The following EDRF1 variants were observed in gnomAD, a reference collection of about 807,000 sequenced individuals.
EDRF1 encodes the protein erythroid differentiation-related factor 1.
EDRF1 carries 69 observed loss-of-function variants against 148.7 expected under a neutral mutation model. The ratio of observed to expected loss-of-function variants is 0.46; its 90% CI spans 0.38 to 0.57. The LOEUF is 0.57. Ranked by LOEUF, EDRF1 falls within the 20% of genes least tolerant of loss-of-function variation. EDRF1 has a pLI of 0.00. For missense variants in EDRF1, 1,118 were observed against 1,478.7 expected (o/e 0.76, Z 4.00); for synonymous variants, 515 against 532.8 (o/e 0.97, Z 0.46).
chr10:125,745,599 C>A (rs1554874300), intron 18 of EDRF1, 108 bp from the exon 19 acceptor site: 1 of 1,171,622 alleles, frequency 8.5e-7, no homozygotes, highest in Non-Finnish European at 1.2e-6. Flanking sequence ...GACTGGCTCG[C>A]CACCACACTC....
intron 6 of EDRF1, among the ~76,000 whole-genome samples, chr10:125,727,132 T>C (rs571155409): frequency 6.6e-6 from 1 of 152,146 alleles, no homozygotes; most frequent in Non-Finnish European, 1.5e-5. Context: ...GGCGAAACTC[T>C]CAGGCTAGGG....
intron 21 of EDRF1, chr10:125,748,711 CT>C (rs1259958399): frequency 6.5e-5 from 10 of 153,520 alleles, no homozygotes; most frequent in South Asian, 2.0e-4. Flanking sequence ...AGTTCTTTTT[CT>C]TTTTTTTTGA....
intron 18 of EDRF1, among the ~76,000 whole-genome samples, chr10:125,744,269 A>G (rs1211709764): frequency 4.0e-5 from 6 of 151,098 alleles, no homozygotes; most frequent in Non-Finnish European, 8.8e-5. Context: ...CGCAGGCTAG[A>G]ATGCAGTGGC....
intron 24 of EDRF1, among the ~76,000 whole-genome samples, chr10:125,754,168 A>G (rs1207226610): frequency 2.6e-5 from 4 of 151,578 alleles, no homozygotes; most frequent in Non-Finnish European, 4.4e-5. Flanking sequence ...GCGAGCTGAA[A>G]TCACACCACT....
chr10:125,743,893 T>C (rs888527177), intron 18 of EDRF1, among the ~76,000 whole-genome samples: 1 of 151,984 alleles, frequency 6.6e-6, no homozygotes. Context: ...AGTGGGTAAG[T>C]AAGATGTGGG....
intron 9 of EDRF1, among the ~76,000 whole-genome samples, chr10:125,732,842 A>G (rs371130511): frequency 1.3e-5 from 2 of 152,248 alleles, no homozygotes; most frequent in Non-Finnish European, 2.9e-5. Context: ...TAGTGGTAGT[A>G]ATGTCCATGA....
In EDRF1 at chr10:125,753,858, G is replaced by T; in HGVS notation, c.3545+13G>T. On this transcript the variant is annotated intron_variant, in intron 24 of 24. Transcript: ENST00000356792. Reference sequence around the variant, plus strand: ...AAAAGAAAACAAGGTAAATTAAGTGGTTATTTGTAGGAATTTCTTTCCTAG... The same window carrying T: ...AAAAGAAAACAAGGTAAATTAAGTGTTTATTTGTAGGAATTTCTTTCCTAG... The T allele has an allele frequency of 6.2e-7, 1 of 1,611,542 alleles. No individual in the cohort carries two copies. The highest frequency in any genetic ancestry group is 8.5e-7 in the Non-Finnish European group (1 of 1,179,442).
At chr10:125,727,033 A>G (rs922916654) in intron 6 of EDRF1, among the ~76,000 whole-genome samples, 1 of 70,626 alleles carries the variant, frequency 1.4e-5, no homozygotes, top group Non-Finnish European at 3.5e-5. Context: ...ATGTTTGTAC[A>G]AGGTTTTTTT....
chr10:125,731,118 G>GT (rs1236345363), intron 9 of EDRF1, among the ~76,000 whole-genome samples: 1 of 152,138 alleles, frequency 6.6e-6, no homozygotes, highest in African/African-American at 2.4e-5. Flanking sequence ...CTGCACTCCA[G>GT]TATGAGTGAC....
At chr10:125,748,175 A>G (rs1849462718) in intron 21 of EDRF1, 163 bp downstream of exon 21, 1 of 804,268 alleles carries the variant, frequency 1.2e-6, no homozygotes. Flanking sequence ...GTGCTGTGCC[A>G]CTTAAACAAT....
chr10:125,754,657 T>A (rs906740215), intron 24 of EDRF1, among the ~76,000 whole-genome samples: 4 of 152,204 alleles, frequency 2.6e-5, no homozygotes, highest in African/African-American at 9.7e-5. Flanking sequence ...TCAAAGTTTG[T>A]TATTTTGGCA....
intron 18 of EDRF1, among the ~76,000 whole-genome samples, chr10:125,745,076 G>A (rs1849274162): frequency 6.6e-6 from 1 of 152,194 alleles, no homozygotes; most frequent in Non-Finnish European, 1.5e-5. Flanking sequence ...ACTAATGGGT[G>A]GGCCGTGCAT....
chr10:125,728,944 G>A (rs1290220021), intron 6 of EDRF1, 59 bp from the exon 7 acceptor site: 2 of 1,319,592 alleles, frequency 1.5e-6, no homozygotes, highest in South Asian at 1.4e-5. Context: ...TCTCAAAAGT[G>A]GGTCAATTTT....
chr10:125,763,198 G>C lies in EDRF1; in HGVS notation c.3546-103G>C. 1 of 1,167,772 alleles carries C rather than the reference G, an allele frequency of 8.6e-7. No homozygotes were observed. Among genetic ancestry groups the C allele is most frequent in the East Asian group, 2.3e-5 (1 of 42,592 alleles). 72.3% of individuals were successfully genotyped at this position (1,167,772 alleles called of 1,614,324 possible). On this transcript the variant is annotated intron_variant, in intron 24 of 24. Coordinates refer to ENST00000356792, the MANE Select transcript of EDRF1 (RefSeq NM_001202438.2). The surrounding 1 kb of genome is among the most constrained non-coding windows in gnomAD (Gnocchi z 4.3). ...AGGAGAGGAATGCCTGCTGCTCTGT[G>C]AAGAGTGACTGTTGGGCTGTCACTG...
chr10:125,742,065 C>T (rs893590004), intron 17 of EDRF1, among the ~76,000 whole-genome samples: 1 of 152,188 alleles, frequency 6.6e-6, no homozygotes, highest in South Asian at 2.1e-4. Flanking sequence ...CTAACAAAGC[C>T]ATAGGTTTCC....
At position 125,745,759 on chromosome 10, in the gene EDRF1, T is replaced by C. The variant is rs765221490; in HGVS notation, c.2643T>C (p.Ser881=). Residue 881 remains serine, a synonymous_variant, in exon 19 of 25, where the codon TCT becomes TCC. Coordinates refer to ENST00000356792, the MANE Select transcript of EDRF1 (RefSeq NM_001202438.2). ...AEQQLWKKSF[S]CFEKGIHNFE... ...AACAGTTGTGGAAAAAAAGCTTTTC[T>C]TGTTTTGAAAAGGGAATTCACAACT... 2.4e-5 allele frequency: 38 copies of C among 1,614,148 alleles called. No individual in the cohort carries two copies. In the Admixed American group the frequency reaches 6.3e-4, roughly 27 times the overall value.
chr10:125,763,370 T>C lies in EDRF1; in HGVS notation c.3615T>C (p.Thr1205=), dbSNP rs1293986547. ...TTTACTCCCAGCTTTTGAGAGCAAC[T>C]GCAAATAAAACCGCGACTCTTCTGG... is the stretch of plus-strand genomic sequence containing the variant. ...KHIYSQLLRA[T]ANKTATLLER... Residue 1205 remains threonine (T), a synonymous_variant, in exon 25 of 25, where the codon ACT becomes ACC. Coordinates refer to ENST00000356792, the MANE Select transcript of EDRF1 (RefSeq NM_001202438.2). The surrounding 1 kb of genome is among the most constrained non-coding windows in gnomAD (Gnocchi z 4.3). 3 of 1,613,544 alleles carry C rather than the reference T, an allele frequency of 1.9e-6. No individual in the cohort carries two copies. The African/African-American group carries it at 4.0e-5, about 22-fold the overall frequency.
At chr10:125,755,628 T>C (rs1224232410) in intron 24 of EDRF1, among the ~76,000 whole-genome samples, 1 of 152,242 alleles carries the variant, frequency 6.6e-6, no homozygotes, top group African/African-American at 2.4e-5. Context: ...AACCTGGAGT[T>C]TACTTTGTTG....
At chr10:125,735,035 G>A (rs985807119) in intron 12 of EDRF1, among the ~76,000 whole-genome samples, 1 of 152,170 alleles carries the variant, frequency 6.6e-6, no homozygotes, top group African/African-American at 2.4e-5. Context: ...AGGTGGCAGT[G>A]TTTAGTGGAA....
Sources: allele counts gnomAD v4.1 joint callset (sites outside exome capture counted in the v4.1 genomes callset), GRCh38; gene constraint gnomAD v4.1.1; non-coding constraint Gnocchi (gnomAD v3.1); transcripts MANE v1.5; gene names NCBI Gene and HGNC (gene_info 2026-07-23, HGNC 2026-07-21).